Variants in ATP8A1 observed in about 807,000 individuals in gnomAD.
ATP8A1 encodes ATPase phospholipid transporting 8A1, also known as phospholipid-transporting ATPase IA.
Under a neutral mutation model 177.7 loss-of-function variants are expected in ATP8A1, and 90 were observed. That is an observed-to-expected ratio of 0.51 (90% confidence interval 0.43 to 0.60). The LOEUF (loss-of-function observed/expected upper bound fraction) is 0.60. Among genes scored for constraint, ATP8A1 ranks in the 20% least tolerant of loss-of-function variants. The probability of loss-of-function intolerance (pLI) is 0.00; values close to 1 mark genes in which losing one functional copy is unlikely to be tolerated. For synonymous variants in ATP8A1, 493 were observed against 485.9 expected, an observed-to-expected ratio of 1.01 and a Z score of -0.19; for missense variants, 1,072 against 1,392.8, an observed-to-expected ratio of 0.77 and a Z score of 3.67.
At chr4:42,421,838 TTAA>T (rs1461532191) in intron 35 of ATP8A1, among the ~76,000 whole-genome samples, 4 of 152,194 alleles carry the variant, frequency 2.6e-5, no homozygotes, top group Non-Finnish European at 4.4e-5. Context: ...TCCTCCTATC[TTAA>T]TAATTGTCTT....
At chr4:42,444,002 G>A (rs190471128) in intron 32 of ATP8A1, among the ~76,000 whole-genome samples, 2 of 152,240 alleles carry the variant, frequency 1.3e-5, no homozygotes, top group East Asian at 1.9e-4. Flanking sequence ...ACCGAAACAT[G>A]TCAGACCCTT....
intron 35 of ATP8A1, 175 bp from the exon 36 acceptor site, chr4:42,414,893 GAC>G (rs1713056310): frequency 1.7e-6 from 1 of 590,570 alleles, no homozygotes; most frequent in African/African-American, 1.9e-5. Context: ...CAAGTATTTA[GAC>G]AGACTTTTGA....
intron 8 of ATP8A1, among the ~76,000 whole-genome samples, chr4:42,586,798 T>C (rs148347442): frequency 9.8e-5 from 15 of 152,360 alleles, no homozygotes; most frequent in African/African-American, 3.6e-4. Flanking sequence ...TTTAGCACTA[T>C]ACAGTCTGAG....
At chr4:42,493,171 T>C (rs1384397535) in intron 24 of ATP8A1, among the ~76,000 whole-genome samples, 2 of 152,218 alleles carry the variant, frequency 1.3e-5, no homozygotes, top group African/African-American at 2.4e-5. Context: ...ACAATGGCTC[T>C]GGACACTGAT....
chr4:42,590,978 C>A lies in ATP8A1; in HGVS notation c.451-94G>T, dbSNP rs138904361. On this transcript the variant is annotated intron_variant, in intron 6 of 36. Transcript: ENST00000381668. ...AAATGGACAAAAGAGACAGAAAGTT[C>A]GAAATTATTATAGAAAATAATACAT... The A allele has an allele frequency of 2.3e-3, 2,561 of 1,129,426 alleles. 4 individuals are homozygous for A. The highest frequency in any genetic ancestry group is 3.1e-3 in the Non-Finnish European group (2,403 of 777,348). The allele number at this position is 1,129,426 out of a possible 1,614,324, so 70.0% of individuals were successfully genotyped here. A position where few individuals can be genotyped will look rare whatever the true frequency, so the allele number is the denominator to read the frequency against.
chr4:42,583,482 T>A (rs1733315754), intron 9 of ATP8A1, among the ~76,000 whole-genome samples: 1 of 152,160 alleles, frequency 6.6e-6, no homozygotes, highest in South Asian at 2.1e-4. Flanking sequence ...ACCCAGCCAA[T>A]GGGGTATAAT....
At chr4:42,533,499 C>G (rs1443060744) in intron 20 of ATP8A1, among the ~76,000 whole-genome samples, 2 of 152,094 alleles carry the variant, frequency 1.3e-5, no homozygotes, top group African/African-American at 4.8e-5. Flanking sequence ...CTCATCAAGT[C>G]CCACCCAAGG....
At chr4:42,444,502 G>C (rs554135249) in intron 32 of ATP8A1, 76 bp downstream of exon 32, 1 of 1,407,184 alleles carries the variant, frequency 7.1e-7, no homozygotes, top group East Asian at 2.3e-5. Flanking sequence ...AAGTTAGAGT[G>C]AAGACCACCA....
intron 5 of ATP8A1, among the ~76,000 whole-genome samples, chr4:42,614,070 A>T (rs1462964706): frequency 6.7e-6 from 1 of 148,998 alleles, no homozygotes; most frequent in East Asian, 1.9e-4. Context: ...GCCTATTCTC[A>T]TATTTAGCCA....
At chr4:42,560,288 G>A (rs765774900) in intron 15 of ATP8A1, among the ~76,000 whole-genome samples, 2 of 152,046 alleles carry the variant, frequency 1.3e-5, no homozygotes, top group Non-Finnish European at 2.9e-5. Context: ...CTTTGGCAGG[G>A]GAAATGGAGG....
chr4:42,573,812 A>G (rs924854272), intron 14 of ATP8A1, among the ~76,000 whole-genome samples: 2 of 152,180 alleles, frequency 1.3e-5, no homozygotes, highest in South Asian at 4.1e-4. Context: ...CAGAAAACCT[A>G]GAAGCAAGTG....
chr4:42,413,423 G>A (rs1208215889), intron 36 of ATP8A1, among the ~76,000 whole-genome samples: 1 of 152,158 alleles, frequency 6.6e-6, no homozygotes, highest in African/African-American at 2.4e-5. Context: ...AGGTGAGGTG[G>A]TGAATAATGT....
intron 5 of ATP8A1, among the ~76,000 whole-genome samples, chr4:42,609,094 C>T (rs10016900): frequency 0.22 from 34,221 of 152,098 alleles, 4,343 homozygotes; most frequent in Non-Finnish European, 0.29. Flanking sequence ...ATGTAATACA[C>T]ATAATAATAC....
At chr4:42,462,824 C>G (rs985221972) in intron 27 of ATP8A1, among the ~76,000 whole-genome samples, 2 of 152,128 alleles carry the variant, frequency 1.3e-5, no homozygotes, top group African/African-American at 4.8e-5. Context: ...GCAGAGCGGC[C>G]CAAGACCATG....
At chr4:42,621,102 C>T (rs1357322405) in intron 4 of ATP8A1, among the ~76,000 whole-genome samples, 1 of 152,214 alleles carries the variant, frequency 6.6e-6, no homozygotes, top group East Asian at 1.9e-4. Context: ...CTGCCAAGTC[C>T]TACCACAATT....
chr4:42,555,917 T>C lies in ATP8A1; in HGVS notation c.1413+51A>G, dbSNP rs1354859554. 2.5e-6 allele frequency: 3 copies of C among 1,214,826 alleles called. No homozygotes were observed. In the Admixed American group the frequency reaches 5.7e-5, roughly 23 times the overall value. The allele number at this position is 1,214,826 out of a possible 1,614,324, so 75.3% of individuals were successfully genotyped here. A position where few individuals can be genotyped will look rare whatever the true frequency, so the allele number is the denominator to read the frequency against. On this transcript the variant is annotated intron_variant, in intron 16 of 36. Coordinates refer to ENST00000381668, the MANE Select transcript of ATP8A1 (RefSeq NM_006095.2). ...ACATAGAAGATAGTTCAGAGAAACA[T>C]TCATTAGTTTTTATTCACTAACAAA... is the stretch of plus-strand genomic sequence containing the variant.
chr4:42,574,895 A>G (rs1198673386), intron 13 of ATP8A1, among the ~76,000 whole-genome samples, 188 bp from the exon 14 acceptor site: 3 of 152,220 alleles, frequency 2.0e-5, no homozygotes, highest in Non-Finnish European at 4.4e-5. Flanking sequence ...GAATCTTTTC[A>G]CATATGAATA....
intron 10 of ATP8A1, 148 bp from the exon 11 acceptor site, chr4:42,580,126 G>T: frequency 6.0e-6 from 3 of 502,816 alleles, no homozygotes; most frequent in Non-Finnish European, 1.0e-5. Flanking sequence ...CATGACAAAT[G>T]TAATAAGGTG....
intron 24 of ATP8A1, among the ~76,000 whole-genome samples, chr4:42,498,694 T>TAA (rs202018154): frequency 6.8e-6 from 1 of 146,582 alleles, no homozygotes; most frequent in Non-Finnish European, 1.5e-5. Flanking sequence ...ATAATAATAC[T>TAA]AAAAAAAAAA....
Sources: allele counts gnomAD v4.1 joint callset (sites outside exome capture counted in the v4.1 genomes callset), GRCh38; gene constraint gnomAD v4.1.1; transcripts MANE v1.5; gene names NCBI Gene and HGNC (gene_info 2026-07-23, HGNC 2026-07-21).